The following COL6A6 variants were observed in gnomAD, a reference collection of about 807,000 sequenced individuals.
COL6A6 encodes the protein collagen alpha-6(VI) chain.
Under a neutral mutation model 208.6 loss-of-function variants are expected in COL6A6, and 183 were observed. The observed-to-expected ratio is 0.88, with a 90% CI of 0.78 to 0.99. The LOEUF (loss-of-function observed/expected upper bound fraction) is 0.99. Ranked by LOEUF, COL6A6 falls within the 50% of genes least tolerant of loss-of-function variation. COL6A6 has a pLI of 0.00. For missense variants in COL6A6, 2,816 were observed against 2,815.2 expected (o/e 1.00, Z -0.01); for synonymous variants, 973 against 1,011.8 (o/e 0.96, Z 0.73).
intron 31 of COL6A6, 72 bp from the exon 32 acceptor site, chr3:130,644,919 C>G (rs1267979870): frequency 7.0e-7 from 1 of 1,428,926 alleles, no homozygotes; most frequent in Non-Finnish European, 9.9e-7. Context: ...TAGAACCTTT[C>G]TTTCCTGCAC....
intron 3 of COL6A6, 37 bp from the exon 4 acceptor site, chr3:130,564,957 C>A (rs2062979193): frequency 2.5e-6 from 4 of 1,594,024 alleles, no homozygotes; most frequent in Non-Finnish European, 3.4e-6. Context: ...GCTGAACCAC[C>A]AGCTAAAATT....
intron 10 of COL6A6, among the ~76,000 whole-genome samples, chr3:130,584,143 T>C (rs926815695): frequency 2.9e-4 from 44 of 152,190 alleles, no homozygotes; most frequent in Admixed American, 2.0e-4. Flanking sequence ...ATTGAAAACA[T>C]TGTATTTAGG....
At chr3:130,524,062 T>C (rs1228298451) in intron 1 of COL6A6, among the ~76,000 whole-genome samples, 1 of 152,180 alleles carries the variant, frequency 6.6e-6, no homozygotes, top group Admixed American at 6.5e-5. Flanking sequence ...AAGCACCTAA[T>C]CTTTGAGCCT....
chr3:130,646,713 G>C (rs535956004), intron 32 of COL6A6, among the ~76,000 whole-genome samples: 1 of 152,338 alleles, frequency 6.6e-6, no homozygotes, highest in East Asian at 1.9e-4. Context: ...GGGAGGGGGA[G>C]AGTAGTGCAT....
intron 1 of COL6A6, among the ~76,000 whole-genome samples, chr3:130,550,099 T>C (rs1015708363): frequency 1.3e-5 from 2 of 152,188 alleles, no homozygotes; most frequent in African/African-American, 4.8e-5. Flanking sequence ...TTGATTTGGC[T>C]CTCATCTTGG....
intron 8 of COL6A6, among the ~76,000 whole-genome samples, chr3:130,578,978 GTA>G (rs1316275187): frequency 1.3e-5 from 2 of 152,150 alleles, no homozygotes; most frequent in African/African-American, 2.4e-5. Context: ...AATCTGGGAG[GTA>G]TATAAACTGA....
At position 130,568,252 on chromosome 3, in the gene COL6A6, C is replaced by A; in HGVS notation, c.2049C>A (p.Ser683Arg). The A allele has an allele frequency of 6.2e-7, 1 of 1,613,944 alleles. No individual in the cohort carries two copies. The highest frequency in any genetic ancestry group is 8.5e-7 in the Non-Finnish European group (1 of 1,179,878). The change falls in exon 6 of 37, where the codon AGC becomes AGA. Residue 683 changes from serine to arginine, a missense_variant. Coordinates refer to ENST00000358511, the MANE Select transcript of COL6A6 (RefSeq NM_001102608.3). The stretch of plus-strand genomic sequence containing the variant: ...AGCTCAACAGATTCATGTCCCAAAG[C>A]GACATTTCAAATGCAATAGACCAAA... ...EFQLNRFMSQ[S>R]DISNAIDQMA...
intron 18 of COL6A6, 69 bp downstream of exon 18, chr3:130,594,412 ATTTC>A: frequency 8.2e-7 from 1 of 1,213,454 alleles, no homozygotes; most frequent in Non-Finnish European, 1.2e-6. Context: ...GGGAGTCTCG[ATTTC>A]AAGGTACTAC....
Position 130,649,113 on chromosome 3 carries a change from C to T in COL6A6, c.5284C>T (p.Leu1762=). 1 of 1,577,018 alleles carries T rather than the reference C, an allele frequency of 6.3e-7. No homozygotes were observed. The change falls in exon 33 of 37, where the codon CTG becomes TTG. Residue 1762 remains leucine, a synonymous_variant. Transcript: ENST00000358511. ...PVHPTELVFA[L]DHSRDVTEQE... is the part of the protein sequence containing the mutation. ...GCACCCAACCGAGTTGGTGTTTGCC[C>T]TGGACCACTCCCGGGATGTCACTGA...
intron 23 of COL6A6, among the ~76,000 whole-genome samples, chr3:130,612,079 C>T (rs2064376132): frequency 6.6e-6 from 1 of 152,098 alleles, no homozygotes; most frequent in African/African-American, 2.4e-5. Context: ...TAAAGGCCTC[C>T]AGCTTCATCT....
At chr3:130,652,692 C>T (rs984799680) in intron 33 of COL6A6, among the ~76,000 whole-genome samples, 18 of 152,174 alleles carry the variant, frequency 1.2e-4, no homozygotes, top group African/African-American at 2.2e-4. Context: ...CTCTACTTGC[C>T]GCCTTCTTTC....
chr3:130,634,228 A>G (rs2065034761), intron 26 of COL6A6, among the ~76,000 whole-genome samples: 1 of 58,336 alleles, frequency 1.7e-5, no homozygotes, highest in Non-Finnish European at 2.5e-5. Flanking sequence ...TAAATAAATA[A>G]ATAAATAAAT....
intron 1 of COL6A6, among the ~76,000 whole-genome samples, chr3:130,557,818 A>G (rs2062800231): frequency 6.6e-6 from 1 of 152,198 alleles, no homozygotes; most frequent in Non-Finnish European, 1.5e-5. Context: ...TACAAGTTCT[A>G]AACATTCTGG....
intron 6 of COL6A6, among the ~76,000 whole-genome samples, chr3:130,570,423 G>A (rs1048523808): frequency 6.6e-6 from 1 of 152,096 alleles, no homozygotes; most frequent in Non-Finnish European, 1.5e-5. Context: ...CAAGATCGTG[G>A]CTAAAATAAA....
chr3:130,592,904 T>C (rs1200175008), intron 15 of COL6A6, among the ~76,000 whole-genome samples, 157 bp from the exon 16 acceptor site: 4 of 152,358 alleles, frequency 2.6e-5, no homozygotes, highest in Admixed American at 2.0e-4. Context: ...TATTTGTTGA[T>C]AGTTTCTATT....
At chr3:130,554,859 C>T (rs1010832721) in intron 1 of COL6A6, among the ~76,000 whole-genome samples, 1 of 152,106 alleles carries the variant, frequency 6.6e-6, no homozygotes, top group Admixed American at 6.5e-5. Context: ...GCAGGGACTG[C>T]TCTGCTGGAG....
intron 1 of COL6A6, among the ~76,000 whole-genome samples, chr3:130,546,756 A>G (rs2062511377): frequency 6.6e-6 from 1 of 150,442 alleles, no homozygotes; most frequent in Non-Finnish European, 1.5e-5. Flanking sequence ...AGCTAGACAC[A>G]GGATGCTGAT....
At chr3:130,574,602 C>A in intron 8 of COL6A6, 77 bp downstream of exon 8, 1 of 1,200,704 alleles carries the variant, frequency 8.3e-7, no homozygotes, top group Non-Finnish European at 1.2e-6. Context: ...CATTGTCATC[C>A]CCTGGGGCTA....
chr3:130,620,784 T>G (rs936781307), intron 23 of COL6A6, among the ~76,000 whole-genome samples: 1 of 152,246 alleles, frequency 6.6e-6, no homozygotes, highest in African/African-American at 2.4e-5. Context: ...GAAATAAATT[T>G]GCAAGTGTCA....
Sources: gnomAD v4.1 joint callset for allele counts (sites outside exome capture counted in the v4.1 genomes callset) on GRCh38, gnomAD v4.1.1 for gene constraint, MANE v1.5 for transcripts, NCBI Gene and HGNC (gene_info 2026-07-23, HGNC 2026-07-21) for gene names.